Variants in VMP1 observed in about 807,000 individuals in gnomAD.
The protein encoded by VMP1 is vacuole membrane protein 1.
Under a neutral mutation model 56.0 loss-of-function variants are expected in VMP1, and 11 were observed. The ratio of observed to expected loss-of-function variants is 0.20; its 90% CI spans 0.12 to 0.32. The LOEUF is 0.32. Ranked by LOEUF, VMP1 falls within the 10% of genes least tolerant of loss-of-function variation. VMP1 has a pLI of 1.00. For synonymous variants in VMP1, 149 were observed against 165.0 expected, an observed-to-expected ratio of 0.90 and a Z score of 0.74; for missense variants, 296 against 490.3, an observed-to-expected ratio of 0.60 and a Z score of 3.74.
At chr17:59,769,475 TC>T (rs1289876304) in intron 6 of VMP1, among the ~76,000 whole-genome samples, 1 of 152,194 alleles carries the variant, frequency 6.6e-6, no homozygotes, top group Non-Finnish European at 1.5e-5. Context: ...AAATGTTTTT[TC>T]CCTACCTCAC....
chr17:59,780,565 G>GTTTGTT (rs1255223087), intron 7 of VMP1, among the ~76,000 whole-genome samples: 1 of 152,046 alleles, frequency 6.6e-6, no homozygotes, highest in Non-Finnish European at 1.5e-5. Flanking sequence ...TTTTCGTGTT[G>GTTTGTT]TTTGTTTTTG....
chr17:59,717,139 C>T (rs1445517960), intron 1 of VMP1, among the ~76,000 whole-genome samples: 1 of 152,062 alleles, frequency 6.6e-6, no homozygotes, highest in African/African-American at 2.4e-5. Context: ...ACCACCACGC[C>T]CGGCTAATTT....
chr17:59,776,820 G>A (rs552308084), intron 7 of VMP1, among the ~76,000 whole-genome samples: 1 of 152,234 alleles, frequency 6.6e-6, no homozygotes, highest in African/African-American at 2.4e-5. Context: ...AATATAAGGT[G>A]GCTTGCAGCT....
chr17:59,826,566 T>C (rs1405915394), intron 10 of VMP1, among the ~76,000 whole-genome samples: 2 of 152,106 alleles, frequency 1.3e-5, no homozygotes, highest in East Asian at 3.9e-4. Context: ...ATAGAAAATA[T>C]AAATGAAGAA....
intron 10 of VMP1, among the ~76,000 whole-genome samples, chr17:59,822,772 A>T (rs1264411352): frequency 2.6e-5 from 4 of 152,194 alleles, no homozygotes; most frequent in African/African-American, 9.6e-5. Flanking sequence ...GTAGTACTTT[A>T]TTTCAGAAAA....
intron 10 of VMP1, among the ~76,000 whole-genome samples, chr17:59,825,329 C>A (rs1025900190): frequency 6.6e-6 from 1 of 151,900 alleles, no homozygotes; most frequent in African/African-American, 2.4e-5. Flanking sequence ...GCCTTGGCAT[C>A]CCAAAGTGCT....
At chr17:59,795,111 G>A (rs1402450798) in intron 7 of VMP1, among the ~76,000 whole-genome samples, 1 of 150,030 alleles carries the variant, frequency 6.7e-6, no homozygotes, top group Non-Finnish European at 1.5e-5. Context: ...AAGTAGCTGC[G>A]ATTACAGGCA....
intron 1 of VMP1, among the ~76,000 whole-genome samples, chr17:59,725,073 C>G (rs1219955666): frequency 6.6e-6 from 1 of 151,958 alleles, no homozygotes; most frequent in African/African-American, 2.4e-5. Flanking sequence ...AGGAGAATCA[C>G]TTGAACCTGG....
intron 7 of VMP1, among the ~76,000 whole-genome samples, chr17:59,789,995 A>C (rs2037167739): frequency 6.6e-6 from 1 of 151,566 alleles, no homozygotes. Flanking sequence ...ACACGCCACC[A>C]TGCCCGGCTG....
At chr17:59,731,374 C>G in intron 1 of VMP1, 47 bp from the exon 2 acceptor site, 1 of 1,177,860 alleles carries the variant, frequency 8.5e-7, no homozygotes, top group African/African-American at 1.6e-5. Flanking sequence ...CACAGCTACA[C>G]AGCAGAAGTT....
chr17:59,712,687 A>C (rs926140915), intron 1 of VMP1, among the ~76,000 whole-genome samples: 7 of 152,232 alleles, frequency 4.6e-5, no homozygotes, highest in Non-Finnish European at 2.9e-5. Flanking sequence ...CTTGGAATAC[A>C]TTGACATGAG....
rs558653671 is a variant in VMP1, at chr17:59,841,139, C to T, written c.*1228C>T. 10 of 269,054 alleles carry T rather than the reference C, an allele frequency of 3.7e-5. No individual in the cohort carries two copies. Among genetic ancestry groups the T allele is most frequent in the African/African-American group, 6.5e-5 (3 of 45,958 alleles). 16.7% of individuals were successfully genotyped at this position (269,054 alleles called of 1,614,324 possible). Reference sequence around the variant, plus strand: ...GTCAGAATAGAATAGAATTGGGGTTCGATCTTAACAGGCCAGAAATGCCTG... The same window carrying T: ...GTCAGAATAGAATAGAATTGGGGTTTGATCTTAACAGGCCAGAAATGCCTG... On this transcript the variant is annotated 3_prime_UTR_variant, in exon 12 of 12. Coordinates refer to ENST00000262291, the MANE Select transcript of VMP1 (RefSeq NM_030938.5).
chr17:59,795,037 G>A (rs1449458899), intron 7 of VMP1, among the ~76,000 whole-genome samples: 2 of 131,768 alleles, frequency 1.5e-5, no homozygotes, highest in Non-Finnish European at 3.1e-5. Flanking sequence ...CGCCCTTGTC[G>A]CTCAAGCTGG....
intron 2 of VMP1, among the ~76,000 whole-genome samples, chr17:59,733,855 G>A (rs1313137990): frequency 6.6e-6 from 1 of 152,158 alleles, no homozygotes; most frequent in Non-Finnish European, 1.5e-5. Context: ...TGAAAAGTAT[G>A]TACTATTGTG....
chr17:59,737,622 G>T, intron 4 of VMP1, 79 bp downstream of exon 4: 1 of 1,273,972 alleles, frequency 7.8e-7, no homozygotes, highest in South Asian at 1.5e-5. Context: ...GGATGAATGT[G>T]GGTTTTATAG....
intron 10 of VMP1, among the ~76,000 whole-genome samples, chr17:59,822,326 C>CTTTTTTT (rs774358954): frequency 2.4e-5 from 3 of 125,354 alleles, no homozygotes; most frequent in Non-Finnish European, 1.6e-5. Flanking sequence ...GTAGGAAATA[C>CTTTTTTT]TTTTTTTTTT....
At chr17:59,804,907 G>A (rs1480419958) in intron 7 of VMP1, among the ~76,000 whole-genome samples, 1 of 152,082 alleles carries the variant, frequency 6.6e-6, no homozygotes, top group African/African-American at 2.4e-5. Flanking sequence ...GATATATAAT[G>A]TAATTTAAAT....
intron 7 of VMP1, among the ~76,000 whole-genome samples, chr17:59,782,717 G>C (rs1323913044): frequency 6.6e-6 from 1 of 152,084 alleles, no homozygotes; most frequent in Non-Finnish European, 1.5e-5. Context: ...ACTATGAGTG[G>C]AAATTTAAAT....
rs569943883 is a variant in VMP1, at chr17:59,753,014, T to C, written c.415-11957T>C. ...GGCCAGGTGCAGTGGCTCGCACCTG[T>C]ATTCCCAGCACTTTGGGAGGCCAAG... On this transcript the variant is annotated intron_variant, in intron 5 of 11. Coordinates refer to ENST00000262291, the MANE Select transcript of VMP1 (RefSeq NM_030938.5). Among the ~76,000 whole-genome samples, 11 of 152,284 alleles carry C rather than the reference T, an allele frequency of 7.2e-5. No homozygotes were observed. In the South Asian group the frequency reaches 8.3e-4, roughly 11 times the overall value.
Sources: allele counts gnomAD v4.1 joint callset (sites outside exome capture counted in the v4.1 genomes callset), GRCh38; gene constraint gnomAD v4.1.1; transcripts MANE v1.5; gene names NCBI Gene and HGNC (gene_info 2026-07-23, HGNC 2026-07-21).